SEM1: variants seen among roughly 807,000 people sequenced by gnomAD.
The protein encoded by SEM1 is SEM1 26S proteasome subunit.
Under a neutral mutation model 12.7 loss-of-function variants are expected in SEM1, and 3 were observed. The observed-to-expected ratio is 0.24, with a 90% CI of 0.11 to 0.61. The LOEUF (loss-of-function observed/expected upper bound fraction) is 0.61, where lower values mean the gene tolerates loss of function less well. SEM1 is among the 20% of genes least tolerant of loss of function. SEM1 has a pLI of 0.88. For synonymous variants in SEM1, 30 were observed against 27.8 expected (o/e 1.08, Z -0.25); for missense variants, 59 against 81.3 (o/e 0.73, Z 1.06).
intron 2 of SEM1, chr7:96,558,103 G>T (rs11974084): frequency 0.044 from 6,739 of 153,474 alleles, 525 homozygotes; most frequent in African/African-American, 0.15. Flanking sequence ...TCCCTAGTGA[G>T]ATGAACCCGG....
At chr7:96,665,775 G>A (rs1789155074) in intron 2 of SEM1, among the ~76,000 whole-genome samples, 1 of 152,192 alleles carries the variant, frequency 6.6e-6, no homozygotes, top group Admixed American at 6.5e-5. Flanking sequence ...CTGGCAGCAA[G>A]GGTTTTTAAG....
At chr7:96,592,638 G>A (rs778675380) in intron 2 of SEM1, among the ~76,000 whole-genome samples, 2 of 151,648 alleles carry the variant, frequency 1.3e-5, no homozygotes, top group Non-Finnish European at 2.9e-5. Context: ...CAGAGACAAA[G>A]CACACGTATT....
At chr7:96,494,824 A>G (rs903676437) in intron 1 of SEM1, among the ~76,000 whole-genome samples, 2 of 142,704 alleles carry the variant, frequency 1.4e-5, no homozygotes, top group Non-Finnish European at 3.1e-5. Flanking sequence ...AATTTTATGA[A>G]TATGTCACAG....
At chr7:96,505,080 C>A (rs1254477432) in intron 3 of SEM1, among the ~76,000 whole-genome samples, 1 of 151,658 alleles carries the variant, frequency 6.6e-6, no homozygotes, top group Non-Finnish European at 1.5e-5. Flanking sequence ...GTTTGTATTT[C>A]TATCAGGAGT....
intron 2 of SEM1, among the ~76,000 whole-genome samples, chr7:96,597,217 T>C (rs1027252379): frequency 6.6e-6 from 1 of 152,194 alleles, no homozygotes; most frequent in Admixed American, 6.5e-5. Context: ...AAATGCTGTA[T>C]ATGTCTTGAA....
At chr7:96,708,692 G>T (rs1214204721) in intron 1 of SEM1, among the ~76,000 whole-genome samples, 1 of 152,178 alleles carries the variant, frequency 6.6e-6, no homozygotes, top group Non-Finnish European at 1.5e-5. Context: ...GTGTCAATCA[G>T]GCCAGGTTTC....
At position 96,694,778 on chromosome 7, in the gene SEM1, A is replaced by C; in HGVS notation, c.170+20T>G. ...TATAATTAATACTGAACTACAATAAAAATCTGGCTTAAAACTTACCGTAAC... is the reference window on the plus strand; with the variant it reads ...TATAATTAATACTGAACTACAATAACAATCTGGCTTAAAACTTACCGTAAC... On this transcript the variant is annotated intron_variant, in intron 2 of 2. Transcript: ENST00000248566. 6.7e-7 allele frequency: 1 copy of C among 1,486,518 alleles called. No homozygotes were observed. The highest frequency in any genetic ancestry group is 9.4e-7 in the Non-Finnish European group (1 of 1,065,876). The allele number at this position is 1,486,518 out of a possible 1,614,324, so 92.1% of individuals were successfully genotyped here.
exon 4 of SEM1, chr7:96,482,360 A>T (rs1243570171): frequency 6.6e-6 from 1 of 152,150 alleles, no homozygotes; most frequent in African/African-American, 2.4e-5. Context: ...TGATTGTGGT[A>T]TGTGGAGCCC....
intron 2 of SEM1, among the ~76,000 whole-genome samples, chr7:96,553,414 G>T (rs1326115794): frequency 6.7e-6 from 1 of 148,942 alleles, no homozygotes; most frequent in Non-Finnish European, 1.5e-5. Context: ...TCTACATATG[G>T]CTAGCCAGTT....
Position 96,556,384 on chromosome 7 carries a change from T to G in SEM1, c.171-49686A>C, listed in dbSNP as rs551330411. On this transcript the variant is annotated intron_variant and NMD_transcript_variant, in intron 2 of 3. Transcript: ENST00000466986. ...TTCAGGAGCTCTTGTAAGGCAGGCC[T>G]GGTGGTGACAAAATTTCTTAGCATT... Among the ~76,000 whole-genome samples, 543 of 152,266 alleles carry G rather than the reference T, an allele frequency of 3.6e-3. 1 individual carries two copies. Among genetic ancestry groups the G allele is most frequent in the African/African-American group, 0.012 (513 of 41,548 alleles).
intron 2 of SEM1, 81 bp from the exon 3 acceptor site, chr7:96,689,047 T>A: frequency 1.2e-6 from 1 of 839,830 alleles, no homozygotes; most frequent in Non-Finnish European, 2.0e-6. Flanking sequence ...AATAAACAAA[T>A]AAATGAGCTA....
intron 2 of SEM1, among the ~76,000 whole-genome samples, chr7:96,627,963 A>G (rs1373541538): frequency 3.9e-5 from 6 of 152,056 alleles, no homozygotes; most frequent in Non-Finnish European, 7.4e-5. Flanking sequence ...TGTTGGGTGC[A>G]TATATATTTA....
In SEM1 at chr7:96,513,722, G is replaced by A. The variant is rs190947257; in HGVS notation, c.171-7024C>T. Among the ~76,000 whole-genome samples, 228 of 152,120 alleles carry A rather than the reference G, an allele frequency of 1.5e-3. 1 individual carries two copies. The highest frequency in any genetic ancestry group is 5.2e-3 in the African/African-American group (217 of 41,502). On this transcript the variant is annotated intron_variant and NMD_transcript_variant, in intron 2 of 3. Coordinates refer to the SEM1 transcript ENST00000466986. ...TGTGCACCTGTAATCCCAGTTACTC[G>A]GGAGGCTGAGGCAGGAGAATCACTT...
At chr7:96,602,177 C>G (rs1158159560) in intron 2 of SEM1, among the ~76,000 whole-genome samples, 2 of 151,996 alleles carry the variant, frequency 1.3e-5, no homozygotes, top group Non-Finnish European at 2.9e-5. Context: ...AATTTGGGAG[C>G]CATTGGTAAG....
At chr7:96,634,718 A>G (rs1808376482) in intron 2 of SEM1, among the ~76,000 whole-genome samples, 1 of 151,930 alleles carries the variant, frequency 6.6e-6, no homozygotes, top group South Asian at 2.1e-4. Flanking sequence ...AGCCATGCAA[A>G]TGCAGGGGAA....
intron 2 of SEM1, among the ~76,000 whole-genome samples, chr7:96,693,790 G>GTGTGTATA (rs1023821213): frequency 6.9e-6 from 1 of 145,446 alleles, no homozygotes. Context: ...GTGTGTGTGT[G>GTGTGTATA]TATATATATA....
intron 2 of SEM1, among the ~76,000 whole-genome samples, chr7:96,608,826 A>G (rs1461388771): frequency 6.6e-6 from 1 of 152,196 alleles, no homozygotes; most frequent in Non-Finnish European, 1.5e-5. Context: ...TCATCAATTC[A>G]TGGACATTTA....
intron 2 of SEM1, among the ~76,000 whole-genome samples, chr7:96,599,920 T>C (rs796405282): frequency 3.2e-4 from 49 of 151,750 alleles, no homozygotes; most frequent in African/African-American, 1.2e-3. Context: ...CTTAAGAACA[T>C]GTTAGCTTAT....
At chr7:96,684,905 T>C (rs1789719596), downstream of SEM1, among the ~76,000 whole-genome samples, 2 of 151,978 alleles carry the variant, frequency 1.3e-5, no homozygotes, top group Admixed American at 1.3e-4. Flanking sequence ...AACATATGGA[T>C]ACAGCAAGAA....
Sources: gnomAD v4.1 joint callset for allele counts (sites outside exome capture counted in the v4.1 genomes callset) on GRCh38, gnomAD v4.1.1 for gene constraint, MANE v1.5 for transcripts, NCBI Gene and HGNC (gene_info 2026-07-23, HGNC 2026-07-21) for gene names.